Variants in SYN3 observed in about 807,000 individuals in gnomAD.
SYN3 encodes synapsin-3.
A neutral mutation model predicts 65.8 loss-of-function variants in SYN3; 35 were observed. The observed-to-expected ratio is 0.53, with a 90% confidence interval of 0.41 to 0.70. The LOEUF (loss-of-function observed/expected upper bound fraction) is 0.70. SYN3 is among the 30% of genes least tolerant of loss of function. SYN3 has a pLI of 0.00. For missense variants in SYN3, 680 were observed against 749.0 expected (o/e 0.91, Z 1.08); for synonymous variants, 270 against 292.9 (o/e 0.92, Z 0.80).
chr22:32,571,848 C>G (rs574927983), intron 7 of SYN3, among the ~76,000 whole-genome samples: 1 of 152,050 alleles, frequency 6.6e-6, no homozygotes, highest in East Asian at 1.9e-4. Context: ...ATCCTCAGTG[C>G]CCAGAACACT....
In SYN3 at chr22:32,643,918, C is replaced by T. The variant is rs1273626854; in HGVS notation, c.712-47182G>A. Among the ~76,000 whole-genome samples the T allele has an allele frequency of 5.3e-5, 8 of 151,308 alleles. No individual in the cohort carries two copies. In the East Asian group the frequency reaches 7.8e-4, roughly 15 times the overall value. ...CAGCCTGGCCAACATGAAGAAACCA[C>T]GTCTCTACTAAAAATACAAAAAATT... On this transcript the variant is annotated intron_variant, in intron 6 of 13. Coordinates refer to ENST00000358763, the MANE Select transcript of SYN3 (RefSeq NM_003490.4).
chr22:32,522,965 T>C (rs144507542), intron 12 of SYN3, among the ~76,000 whole-genome samples: 29 of 152,322 alleles, frequency 1.9e-4, no homozygotes, highest in African/African-American at 7.0e-4. Flanking sequence ...GTGGTCCATT[T>C]TATTTCAGTT....
At position 32,931,439 on chromosome 22, in the gene SYN3, C is replaced by A. The variant is rs527740515; in HGVS notation, c.412G>T (p.Gly138Cys). ...ACGACCTGCATGTCCACCATGCAGC[C>A]CCCGGTCACATAGGCAGCTAGGTTC... is the stretch of plus-strand genomic sequence containing the variant. ...ELNLAAYVTG[G>C]CMVDMQVVRN... Residue 138 changes from glycine (G) to cysteine (C), a missense_variant, in exon 4 of 14, where the codon GGC becomes TGC. Coordinates refer to ENST00000358763, the MANE Select transcript of SYN3 (RefSeq NM_003490.4). 6.2e-7 allele frequency: 1 copy of A among 1,614,046 alleles called. No individual in the cohort carries two copies. Among genetic ancestry groups the A allele is most frequent in the African/African-American group, 1.3e-5 (1 of 75,024 alleles).
chr22:32,757,539 C>T (rs372541023), intron 6 of SYN3, among the ~76,000 whole-genome samples: 42 of 152,056 alleles, frequency 2.8e-4, no homozygotes, highest in African/African-American at 8.9e-4. Flanking sequence ...TCAGGTGATC[C>T]GCCAGCCTTG....
At chr22:32,596,794 T>A in intron 6 of SYN3, 58 bp from the exon 7 acceptor site, 1 of 1,544,596 alleles carries the variant, frequency 6.5e-7, no homozygotes, top group Non-Finnish European at 8.9e-7. Context: ...ACCAAGGCTC[T>A]GGGTGCTGCT....
chr22:32,685,749 T>C (rs2060580522), intron 6 of SYN3, among the ~76,000 whole-genome samples: 2 of 152,202 alleles, frequency 1.3e-5, no homozygotes. Context: ...CATTAACTGA[T>C]GCAATACTGT....
At position 32,508,285 on chromosome 22, in the gene SYN3, C is replaced by T. The variant is rs2057653982; in HGVS notation, c.*5407G>A. 6.6e-6 allele frequency among the ~76,000 whole-genome samples: 1 copy of T among 152,162 alleles called. No individual in the cohort carries two copies. The highest frequency in any genetic ancestry group is 1.5e-5 in the Non-Finnish European group (1 of 68,034). Reference sequence around the variant, plus strand: ...CCTTCTTCTGGCTCAGAAGCTCCCGCACTGAGCACCTTGTGACCCCCGCCC... The same window carrying T: ...CCTTCTTCTGGCTCAGAAGCTCCCGTACTGAGCACCTTGTGACCCCCGCCC... On this transcript the variant is annotated 3_prime_UTR_variant, in exon 14 of 14. Transcript: ENST00000358763.
intron 10 of SYN3, among the ~76,000 whole-genome samples, chr22:32,531,028 T>C (rs2058060382): frequency 6.6e-6 from 1 of 151,348 alleles, no homozygotes. Flanking sequence ...TAGAAGCACT[T>C]TGAGAATAGC....
intron 4 of SYN3, among the ~76,000 whole-genome samples, chr22:32,923,413 C>G (rs946866002): frequency 2.6e-5 from 4 of 152,218 alleles, no homozygotes; most frequent in Non-Finnish European, 5.9e-5. Context: ...ACAGACGCAA[C>G]AAGAAATAAA....
At chr22:32,623,515 T>A (rs886739965) in intron 6 of SYN3, among the ~76,000 whole-genome samples, 33 of 152,152 alleles carry the variant, frequency 2.2e-4, no homozygotes, top group Non-Finnish European at 2.9e-5. Context: ...AAAATATGTA[T>A]TGTGCACTTC....
chr22:32,818,800 A>T (rs2047156659), intron 6 of SYN3, among the ~76,000 whole-genome samples: 1 of 152,198 alleles, frequency 6.6e-6, no homozygotes, highest in African/African-American at 2.4e-5. Flanking sequence ...AGTGACTGGC[A>T]AGAGATTCGC....
In SYN3 at chr22:32,528,037, A is replaced by G. The variant is rs146298573; in HGVS notation, c.1231-32T>C. ...CAGAAGAGAAAAGAAGCCTGTTGGT[A>G]TCACCACAGCCCTTTACTTCCTGGG... On this transcript the variant is annotated intron_variant, in intron 11 of 13. Coordinates refer to ENST00000358763, the MANE Select transcript of SYN3 (RefSeq NM_003490.4). The G allele has an allele frequency of 4.0e-3, 5,924 of 1,494,848 alleles. 17 individuals are homozygous for G. The highest frequency in any genetic ancestry group is 4.8e-3 in the Non-Finnish European group (5,334 of 1,113,322). 92.6% of individuals were successfully genotyped at this position (1,494,848 alleles called of 1,614,324 possible).
At chr22:32,726,632 G>T (rs746533029) in intron 6 of SYN3, among the ~76,000 whole-genome samples, 1 of 152,162 alleles carries the variant, frequency 6.6e-6, no homozygotes, top group Non-Finnish European at 1.5e-5. Context: ...CTCATGTTTT[G>T]CAAGGGGGAG....
chr22:32,525,672 T>C (rs954330654), intron 12 of SYN3, among the ~76,000 whole-genome samples: 2 of 137,588 alleles, frequency 1.5e-5, no homozygotes, highest in Non-Finnish European at 3.0e-5. Flanking sequence ...GATCACGCCA[T>C]AGCACTCCAG....
chr22:32,989,417 G>A (rs1488656397), intron 2 of SYN3, among the ~76,000 whole-genome samples: 1 of 152,180 alleles, frequency 6.6e-6, no homozygotes, highest in Admixed American at 6.5e-5. Flanking sequence ...TCTCCAAGAG[G>A]AGGTAGATGG....
chr22:32,994,670 A>T (rs984943839), intron 2 of SYN3, among the ~76,000 whole-genome samples: 1 of 152,102 alleles, frequency 6.6e-6, no homozygotes, highest in African/African-American at 2.4e-5. Flanking sequence ...GAGGGGACTG[A>T]CTTGGAGTCG....
intron 6 of SYN3, among the ~76,000 whole-genome samples, chr22:32,789,297 A>G (rs1379071719): frequency 6.6e-6 from 1 of 152,112 alleles, no homozygotes; most frequent in Non-Finnish European, 1.5e-5. Flanking sequence ...TCTCTTTTTG[A>G]GTTTGTTGAT....
intron 6 of SYN3, among the ~76,000 whole-genome samples, chr22:32,766,945 G>T (rs1325156383): frequency 2.0e-5 from 3 of 152,216 alleles, no homozygotes; most frequent in Non-Finnish European, 2.9e-5. Flanking sequence ...ATAGACAGTT[G>T]GGTATCCACA....
At chr22:32,583,769 C>A (rs752694015) in intron 7 of SYN3, 3 of 152,284 alleles carry the variant, frequency 2.0e-5, no homozygotes, top group African/African-American at 7.2e-5. Context: ...TCAGGTAGCA[C>A]TAGATACTGA....
Sources: gnomAD v4.1 joint callset for allele counts (sites outside exome capture counted in the v4.1 genomes callset) on GRCh38, gnomAD v4.1.1 for gene constraint, MANE v1.5 for transcripts, NCBI Gene and HGNC (gene_info 2026-07-23, HGNC 2026-07-21) for gene names.